The following SAMD8 variants were observed in gnomAD, a reference collection of about 807,000 sequenced individuals.
The protein encoded by SAMD8 is sterile alpha motif domain containing 8, also known as sphingomyelin synthase-related protein 1.
A neutral mutation model predicts 42.0 loss-of-function variants in SAMD8; 20 were observed. The observed-to-expected ratio is 0.48, with a 90% CI of 0.34 to 0.69. SAMD8 has a LOEUF of 0.69. Among genes scored for constraint, SAMD8 ranks in the 30% least tolerant of loss-of-function variants. SAMD8 has a pLI of 0.01. For synonymous variants in SAMD8, 162 were observed against 173.0 expected (o/e 0.94, Z 0.50); for missense variants, 328 against 511.6 (o/e 0.64, Z 3.46).
chr10:75,143,668 T>C (rs986605709), intron 1 of SAMD8, among the ~76,000 whole-genome samples: 6 of 152,188 alleles, frequency 3.9e-5, no homozygotes, highest in African/African-American at 1.4e-4. Context: ...GTCTGTTTTC[T>C]CTTTTTGCTT....
At chr10:75,127,622 T>A (rs1849174960) in intron 1 of SAMD8, among the ~76,000 whole-genome samples, 2 of 152,214 alleles carry the variant, frequency 1.3e-5, no homozygotes, top group South Asian at 4.1e-4. Flanking sequence ...CTTGAGTTTG[T>A]GAGTTAGGGT....
chr10:75,151,836 G>A (rs545450156), intron 2 of SAMD8, among the ~76,000 whole-genome samples: 7 of 152,170 alleles, frequency 4.6e-5, no homozygotes, highest in South Asian at 2.1e-4. Flanking sequence ...ACAGGAGCCC[G>A]CCACCAGGCC....
At chr10:75,159,872 G>A (rs1478539715) in intron 2 of SAMD8, among the ~76,000 whole-genome samples, 1 of 152,066 alleles carries the variant, frequency 6.6e-6, no homozygotes, top group Non-Finnish European at 1.5e-5. Context: ...CCCTGTAATT[G>A]ACTTTCACAC....
intron 1 of SAMD8, among the ~76,000 whole-genome samples, chr10:75,115,570 C>T (rs1848859109): frequency 6.6e-6 from 1 of 152,164 alleles, no homozygotes; most frequent in South Asian, 2.1e-4. Flanking sequence ...AGATCTGAAG[C>T]CTAACCTTTA....
intron 1 of SAMD8, chr10:75,125,228 C>T (rs12246343): frequency 6.6e-6 from 1 of 152,356 alleles, no homozygotes; most frequent in African/African-American, 2.4e-5. Flanking sequence ...GAAGGAACAA[C>T]TGTTGTGTCT....
chr10:75,126,164 T>C (rs912240488), intron 1 of SAMD8, among the ~76,000 whole-genome samples: 1 of 152,222 alleles, frequency 6.6e-6, no homozygotes, highest in Non-Finnish European at 1.5e-5. Context: ...TCTATCCACA[T>C]AATTTTACTA....
rs777122672 is a variant in SAMD8, at chr10:75,176,158, T to G, written c.885T>G (p.Asp295Glu). 2 of 1,613,980 alleles carry G rather than the reference T, an allele frequency of 1.2e-6. No individual in the cohort carries two copies. Among genetic ancestry groups the G allele is most frequent in the African/African-American group, 1.3e-5 (1 of 74,930 alleles). The stretch of plus-strand genomic sequence containing the variant: ...TGACTGGCGTTCACACATGTGGAGA[T>G]TACATGTTTAGTGGCCACACAGTCG... ...MTLTGVHTCG[D>E]YMFSGHTVVL... is the part of the protein sequence containing the mutation. Residue 295 changes from aspartate (D) to glutamate (E), a missense_variant, in exon 5 of 6, where the codon GAT becomes GAG. Transcript: ENST00000542569. This position sits in a 1 kb window ranked among gnomAD's most constrained non-coding sequence, Gnocchi z 4.3.
At chr10:75,148,814 A>T (rs527832048) in intron 1 of SAMD8, among the ~76,000 whole-genome samples, 76 of 152,320 alleles carry the variant, frequency 5.0e-4, no homozygotes, top group Middle Eastern at 3.4e-3. Context: ...TTCAGGATAG[A>T]AGGATATTCA....
chr10:75,132,193 C>T (rs1849289158), intron 1 of SAMD8, among the ~76,000 whole-genome samples: 1 of 152,136 alleles, frequency 6.6e-6, no homozygotes, highest in Non-Finnish European at 1.5e-5. Context: ...ACTGATGTTA[C>T]GTTAGGTCTC....
chr10:75,142,628 G>C (rs1365032221), intron 1 of SAMD8, among the ~76,000 whole-genome samples: 1 of 151,782 alleles, frequency 6.6e-6, no homozygotes, highest in African/African-American at 2.4e-5. Context: ...GTAGAGACGG[G>C]GTTTCACCAT....
At position 75,181,725 on chromosome 10, in the gene SAMD8, A is replaced by G. The variant is rs1462593148; in HGVS notation, c.*5033A>G. 1 of 152,248 alleles carries G rather than the reference A, an allele frequency of 6.6e-6. No individual in the cohort carries two copies. Among genetic ancestry groups the G allele is most frequent in the Non-Finnish European group, 1.5e-5 (1 of 68,046 alleles). 9.4% of individuals were successfully genotyped at this position (152,248 alleles called of 1,614,324 possible). ...GTTGTCTGGAGAATTGAACATAGCC[A>G]AGCAATATTATCAATTAGTAATGTC... On this transcript the variant is annotated 3_prime_UTR_variant, in exon 6 of 6. Coordinates refer to ENST00000542569, the MANE Select transcript of SAMD8 (RefSeq NM_001174156.2).
chr10:75,135,855 G>A (rs1469271625), intron 1 of SAMD8, among the ~76,000 whole-genome samples: 1 of 151,870 alleles, frequency 6.6e-6, no homozygotes, highest in Non-Finnish European at 1.5e-5. Context: ...TTGTTTAGAA[G>A]GACATTGGGG....
At position 75,151,064 on chromosome 10, in the gene SAMD8, A is replaced by G; in HGVS notation, c.536A>G (p.Asp179Gly). 1 of 1,563,450 alleles carries G rather than the reference A, an allele frequency of 6.4e-7. No individual in the cohort carries two copies. ...IMVIVHERVPDMQTYPPLPDI... is the reference protein window; with the variant it reads ...IMVIVHERVPGMQTYPPLPDI... ...GTTATAGTCCATGAGCGAGTGCCTG[A>G]CATGCAGACCTATCCACCACTCCCA... Residue 179 changes from aspartate (D) to glycine (G), a missense_variant, in exon 2 of 6, where the codon GAC becomes GGC. By Grantham distance (94) the Asp-to-Gly change is moderately conservative. Around this residue, in one of 2 missense-constraint regions of SAMD8, gnomAD observed 178 missense variants for 325.6 expected, o/e 0.55. Transcript: ENST00000542569.
intron 1 of SAMD8, among the ~76,000 whole-genome samples, chr10:75,140,108 G>C (rs995952525): frequency 1.3e-5 from 2 of 152,186 alleles, no homozygotes; most frequent in African/African-American, 4.8e-5. Context: ...TATATGTATA[G>C]GTTTGTTTCT....
chr10:75,149,879 ATGTT>A (rs1331503898), intron 1 of SAMD8, among the ~76,000 whole-genome samples: 9 of 152,066 alleles, frequency 5.9e-5, no homozygotes, highest in African/African-American at 2.2e-4. Flanking sequence ...TTCTGTAAAA[ATGTT>A]TGGTTATTAA....
intron 1 of SAMD8, among the ~76,000 whole-genome samples, chr10:75,120,916 G>C (rs1286669273): frequency 6.6e-6 from 1 of 151,686 alleles, no homozygotes; most frequent in Non-Finnish European, 1.5e-5. Context: ...GAGTAGCTGG[G>C]ACTACTGTCG....
intron 1 of SAMD8, among the ~76,000 whole-genome samples, chr10:75,124,173 G>A (rs1849072540): frequency 6.6e-6 from 1 of 152,046 alleles, no homozygotes; most frequent in Admixed American, 6.6e-5. Context: ...TGTTCCTTGG[G>A]TCCCAAGGTG....
At chr10:75,109,482 T>C (rs1433304697), upstream of SAMD8, among the ~76,000 whole-genome samples, 2 of 152,188 alleles carry the variant, frequency 1.3e-5, no homozygotes, top group East Asian at 1.9e-4. Flanking sequence ...GTCTGACACA[T>C]AGTAGGTGCT....
intron 2 of SAMD8, among the ~76,000 whole-genome samples, chr10:75,158,687 C>T (rs1376693473): frequency 2.0e-5 from 3 of 152,310 alleles, no homozygotes; most frequent in Non-Finnish European, 2.9e-5. Flanking sequence ...TTTTCATCAT[C>T]CTGGGAAGAA....
Sources: allele counts gnomAD v4.1 joint callset (sites outside exome capture counted in the v4.1 genomes callset), GRCh38; gene constraint gnomAD v4.1.1; regional missense constraint gnomAD v4.1.1; non-coding constraint Gnocchi (gnomAD v3.1); transcripts MANE v1.5; gene names NCBI Gene and HGNC (gene_info 2026-07-23, HGNC 2026-07-21).